The following TTLL2 variants were observed in gnomAD, a reference collection of about 807,000 sequenced individuals.
The protein encoded by TTLL2 is tubulin tyrosine ligase like 2.
Under a neutral mutation model 7.5 loss-of-function variants are expected in TTLL2, and 10 were observed. The ratio of observed to expected loss-of-function variants is 1.33; its 90% CI spans 0.82 to 2.25. The LOEUF is 2.25. Ranked by LOEUF, TTLL2 falls within the 30% of genes most tolerant of loss-of-function variation. TTLL2 has a pLI of 0.00. For missense variants in TTLL2, 733 were observed against 735.7 expected (o/e 1.00, Z 0.04); for synonymous variants, 284 against 280.3 (o/e 1.01, Z -0.13).
At chr6:167,328,272 G>A (rs188771725) in intron 1 of TTLL2, 123 of 362,770 alleles carry the variant, frequency 3.4e-4, no homozygotes, top group African/African-American at 2.4e-3. Flanking sequence ...TCAGTCTTCT[G>A]GGCAAATCAG....
At chr6:167,329,012 G>T (rs1007746548) in intron 1 of TTLL2, among the ~76,000 whole-genome samples, 7 of 152,094 alleles carry the variant, frequency 4.6e-5, no homozygotes, top group Non-Finnish European at 7.4e-5. Context: ...CACTCTCCTA[G>T]GATGCTGCCC....
Position 167,340,194 on chromosome 6 carries a change from G to C in TTLL2, c.294G>C (p.Val98=). 6.2e-7 allele frequency: 1 copy of C among 1,613,950 alleles called. No homozygotes were observed. The highest frequency in any genetic ancestry group is 1.3e-5 in the African/African-American group (1 of 75,008). ...GCGTTGACGAGACCACCCCGGCTGTGGTGCAAAGCGTCCTCCTGGAGAGGG... is the reference window on the plus strand; with the variant it reads ...GCGTTGACGAGACCACCCCGGCTGTCGTGCAAAGCGTCCTCCTGGAGAGGG... The part of the protein sequence containing the change: ...VFRVDETTPA[V]VQSVLLERGW... Residue 98 remains valine (V), a synonymous_variant, in exon 3 of 3, where the codon GTG becomes GTC. Transcript: ENST00000239587.
rs575605179 is a variant in TTLL2, at chr6:167,325,986, G to A, written c.47+766G>A. ...GGGTGCAAGGCCGTGAGTGCCTGCCGGCCTGTAGCCTCCACACCGCAGGCA... is the reference window on the plus strand; with the variant it reads ...GGGTGCAAGGCCGTGAGTGCCTGCCAGCCTGTAGCCTCCACACCGCAGGCA... On this transcript the variant is annotated intron_variant, in intron 1 of 2. Coordinates refer to ENST00000239587, the MANE Select transcript of TTLL2 (RefSeq NM_031949.5). Among the ~76,000 whole-genome samples the A allele has an allele frequency of 1.6e-4, 25 of 152,282 alleles. No homozygotes were observed. In the South Asian group the frequency reaches 3.1e-3, roughly 19 times the overall value.
chr6:167,341,066 A>G lies in TTLL2; in HGVS notation c.1166A>G (p.Tyr389Cys). 8.7e-6 allele frequency: 14 copies of G among 1,614,050 alleles called. No homozygotes were observed. Among genetic ancestry groups the G allele is most frequent in the Non-Finnish European group, 1.2e-5 (14 of 1,180,014 alleles). ...AAACCATGGCTTTTAGAGGTCAACTACAGCCCAGCCTTGACCTTGGATTGT... is the reference window on the plus strand; with the variant it reads ...AAACCATGGCTTTTAGAGGTCAACTGCAGCCCAGCCTTGACCTTGGATTGT... ...NLKPWLLEVN[Y>C]SPALTLDCST... The change falls in exon 3 of 3, where the codon TAC becomes TGC. Residue 389 changes from tyrosine (Y) to cysteine (C), a missense_variant. Transcript: ENST00000239587.
intron 1 of TTLL2, among the ~76,000 whole-genome samples, chr6:167,330,294 A>T (rs1778904664): frequency 6.6e-6 from 1 of 152,202 alleles, no homozygotes; most frequent in Admixed American, 6.5e-5. Flanking sequence ...GCAGTGGCTC[A>T]TTCCTGTAGC....
intron 1 of TTLL2, among the ~76,000 whole-genome samples, chr6:167,331,288 A>T (rs571679748): frequency 6.6e-6 from 1 of 152,226 alleles, no homozygotes; most frequent in Non-Finnish European, 1.5e-5. Context: ...GCTATTTGAA[A>T]CTATTATATA....
Position 167,338,778 on chromosome 6 carries a change from GC to G in TTLL2, c.182del (p.Pro61GlnfsTer13), listed in dbSNP as rs1295602186. 3 of 1,612,390 alleles carry G rather than the reference GC, an allele frequency of 1.9e-6. No homozygotes were observed. Among genetic ancestry groups the G allele is most frequent in the Non-Finnish European group, 2.5e-6 (3 of 1,178,970 alleles). On this transcript the variant is annotated frameshift_variant, in exon 2 of 3. Coordinates refer to ENST00000239587, the MANE Select transcript of TTLL2 (RefSeq NM_031949.5). LOFTEE classifies it low-confidence loss of function (END_TRUNC). Reference protein sequence around the residue: ...AGVSIPPRRGRPTPTLEKKKK... With the variant: ...AGVSIPPRRGXPTPTLEKKKK... ...GTTTCCATCCCTCCCAGGCGAGGCC[GC>G]CCAACACCAACACTGGAGAAGAAGG...
Position 167,325,240 on chromosome 6 carries a change from C to T in TTLL2, c.47+20C>T, listed in dbSNP as rs1400199546. The T allele has an allele frequency of 1.6e-5, 25 of 1,541,884 alleles. No homozygotes were observed. Among genetic ancestry groups the T allele is most frequent in the Middle Eastern group, 1.7e-4 (1 of 5,826 alleles). ...GCTGGGGTAAGCGTAGGAGGCGACA[C>T]GTAGGATGGGAGGGTGGCCCCGATC... is the stretch of plus-strand genomic sequence containing the variant. On this transcript the variant is annotated intron_variant, in intron 1 of 2. Transcript: ENST00000239587.
intron 1 of TTLL2, among the ~76,000 whole-genome samples, chr6:167,337,597 C>A (rs748510288): frequency 6.6e-6 from 1 of 152,148 alleles, no homozygotes; most frequent in African/African-American, 2.4e-5. Context: ...TGCAGTCTGG[C>A]GCGGTGTCCC....
chr6:167,328,412 T>C (rs543429034), intron 1 of TTLL2: 3 of 283,902 alleles, frequency 1.1e-5, no homozygotes, highest in Non-Finnish European at 2.1e-5. Flanking sequence ...TCTTCCCCCT[T>C]CCTACACCAG....
At chr6:167,339,128 A>T (rs1190922420) in intron 2 of TTLL2, among the ~76,000 whole-genome samples, 1 of 120,846 alleles carries the variant, frequency 8.3e-6, no homozygotes, top group African/African-American at 2.8e-5. Flanking sequence ...TACTTCTTTT[A>T]TATCAATCAG....
Position 167,341,375 on chromosome 6 carries a change from T to C in TTLL2, c.1475T>C (p.Met492Thr). The change falls in exon 3 of 3, where the codon ATG becomes ACG. Residue 492 changes from methionine to threonine, a missense_variant. Physicochemically the swap from Met to Thr is moderately conservative, Grantham distance 81. Transcript: ENST00000239587. The stretch of plus-strand genomic sequence containing the variant: ...CCTGCCTCCCAGCTGGAAGGAGAGA[T>C]GAGTGGGCAGGATTTTCATCTGTCA... Reference protein sequence around the residue: ...AAPASQLEGEMSGQDFHLSTR... With the variant: ...AAPASQLEGETSGQDFHLSTR... 2 of 1,613,758 alleles carry C rather than the reference T, an allele frequency of 1.2e-6. No homozygotes were observed. The highest frequency in any genetic ancestry group is 1.7e-6 in the Non-Finnish European group (2 of 1,179,984).
rs770880229 is a variant in TTLL2 at position 167,340,596 on chromosome 6, C to T, written c.696C>T (p.Ile232=). 12 of 1,614,186 alleles carry T rather than the reference C, an allele frequency of 7.4e-6. No individual in the cohort carries two copies. The highest frequency in any genetic ancestry group is 2.7e-5 in the African/African-American group (2 of 75,028). Residue 232 remains isoleucine (I), a synonymous_variant, in exon 3 of 3, where the codon ATC becomes ATT. Coordinates refer to ENST00000239587, the MANE Select transcript of TTLL2 (RefSeq NM_031949.5). ...ILIFSDFKDF[I]FDDMYIVQKY... The stretch of plus-strand genomic sequence containing the variant: ...TTTTCAGTGACTTTAAAGACTTCAT[C>T]TTTGATGATATGTACATAGTGCAGA...
chr6:167,335,974 A>G (rs1778978997), intron 1 of TTLL2, among the ~76,000 whole-genome samples: 1 of 99,364 alleles, frequency 1.0e-5, no homozygotes, highest in African/African-American at 4.7e-5. Flanking sequence ...AGTATAATTA[A>G]AAAAAGAAAT....
At chr6:167,335,895 G>C (rs907967908) in intron 1 of TTLL2, among the ~76,000 whole-genome samples, 3 of 148,088 alleles carry the variant, frequency 2.0e-5, no homozygotes, top group African/African-American at 7.5e-5. Context: ...TGGGTGCAGC[G>C]CACCAGCATG....
At chr6:167,337,607 C>G (rs1016809799) in intron 1 of TTLL2, among the ~76,000 whole-genome samples, 1 of 152,174 alleles carries the variant, frequency 6.6e-6, no homozygotes, top group African/African-American at 2.4e-5. Flanking sequence ...CGCGGTGTCC[C>G]CACATTGGTT....
In TTLL2 at chr6:167,341,431, T is replaced by G; in HGVS notation, c.1531T>G (p.Leu511Val). 4 of 1,613,954 alleles carry G rather than the reference T, an allele frequency of 2.5e-6. No homozygotes were observed. Residue 511 changes from leucine to valine, a missense_variant, in exon 3 of 3, where the codon TTA (leucine) becomes GTA (valine). Transcript: ENST00000239587. ...TREMPQSKPK[L>V]RSRHTPHKTL... ...GGAGATGCCACAAAGCAAGCCCAAGTTACGGAGCAGGCACACGCCTCACAA... is the reference window on the plus strand; with the variant it reads ...GGAGATGCCACAAAGCAAGCCCAAGGTACGGAGCAGGCACACGCCTCACAA...
intron 1 of TTLL2, among the ~76,000 whole-genome samples, chr6:167,325,979 G>A (rs1170600498): frequency 6.6e-6 from 1 of 152,202 alleles, no homozygotes; most frequent in Non-Finnish European, 1.5e-5. Context: ...GGCCGTGAGT[G>A]CCTGCCGGCC....
At position 167,325,159 on chromosome 6, in the gene TTLL2, C is replaced by T. The variant is rs201668390; in HGVS notation, c.-15C>T. The T allele has an allele frequency of 3.1e-4, 488 of 1,572,158 alleles. 1 individual carries two copies. The highest frequency in any genetic ancestry group is 1.4e-3 in the South Asian group (122 of 85,302). On this transcript the variant is annotated 5_prime_UTR_variant, in exon 1 of 3. Coordinates refer to ENST00000239587, the MANE Select transcript of TTLL2 (RefSeq NM_031949.5). ...CACAGAGACCCACAGAGGCCACCCTCGGAACCAGCGCCCAATGAGAGGGCG... is the reference window on the plus strand; with the variant it reads ...CACAGAGACCCACAGAGGCCACCCTTGGAACCAGCGCCCAATGAGAGGGCG...
Sources: gnomAD v4.1 joint callset for allele counts (sites outside exome capture counted in the v4.1 genomes callset) on GRCh38, gnomAD v4.1.1 for gene constraint, MANE v1.5 for transcripts, NCBI Gene and HGNC (gene_info 2026-07-23, HGNC 2026-07-21) for gene names.